Variants in FYN observed in about 807,000 individuals in gnomAD.
FYN encodes the protein tyrosine-protein kinase Fyn.
FYN carries 10 observed loss-of-function variants against 70.2 expected under a neutral mutation model. That is an observed-to-expected ratio of 0.14 (90% CI 0.09 to 0.24). The LOEUF is 0.24. Ranked by LOEUF, FYN falls within the 10% of genes least tolerant of loss-of-function variation. The probability of loss-of-function intolerance (pLI) is 1.00; values close to 1 mark genes in which losing one functional copy is unlikely to be tolerated. For missense variants in FYN, 319 were observed against 673.1 expected (o/e 0.47, Z 5.82); for synonymous variants, 236 against 248.6 (o/e 0.95, Z 0.48).
At chr6:111,843,688 T>G (rs1174363608) in intron 2 of FYN, among the ~76,000 whole-genome samples, 2 of 152,194 alleles carry the variant, frequency 1.3e-5, no homozygotes, top group Non-Finnish European at 2.9e-5. Context: ...TTTCCACTCA[T>G]TCATGCCTGC....
In FYN at chr6:111,742,074, G is replaced by T. The variant is rs534427122; in HGVS notation, c.-11-22012C>A. Among the ~76,000 whole-genome samples, 8 of 152,308 alleles carry T rather than the reference G, an allele frequency of 5.3e-5. No individual in the cohort carries two copies. The South Asian group carries it at 1.4e-3, about 28-fold the overall frequency. Reference sequence around the variant, plus strand: ...CCTTCCAGAAGTTCCAACTGAAAAAGAAGGGAAGCAAACAGGGATAAGTAA... The same window carrying T: ...CCTTCCAGAAGTTCCAACTGAAAAATAAGGGAAGCAAACAGGGATAAGTAA... On this transcript the variant is annotated intron_variant, in intron 3 of 13. Coordinates refer to ENST00000354650, the MANE Select transcript of FYN (RefSeq NM_002037.5).
chr6:111,754,056 G>A lies in FYN; in HGVS notation c.-12+26510C>T, dbSNP rs1802601221. On this transcript the variant is annotated intron_variant, in intron 3 of 13. Coordinates refer to ENST00000354650, the MANE Select transcript of FYN (RefSeq NM_002037.5). ...CCATTCTATCCATTCTAGTAAGACT[G>A]AACTTTGATTTTTTTAAATGCAATG... 1.3e-5 allele frequency among the ~76,000 whole-genome samples: 2 copies of A among 152,176 alleles called. 1 individual carries two copies. Among genetic ancestry groups the A allele is most frequent in the South Asian group, 4.1e-4 (2 of 4,830 alleles).
chr6:111,863,481 G>T (rs1288240743), intron 1 of FYN, among the ~76,000 whole-genome samples: 3 of 152,190 alleles, frequency 2.0e-5, no homozygotes, highest in African/African-American at 7.2e-5. Flanking sequence ...TTTAAATTGG[G>T]CAGGATTTCA....
chr6:111,714,216 T>C (rs1212070569), intron 5 of FYN, 131 bp downstream of exon 5: 1 of 638,270 alleles, frequency 1.6e-6, no homozygotes, highest in African/African-American at 1.8e-5. Flanking sequence ...TCAAAGTATA[T>C]TGTTGTAAAC....
intron 2 of FYN, among the ~76,000 whole-genome samples, chr6:111,794,228 G>C (rs915899711): frequency 6.6e-6 from 1 of 152,148 alleles, no homozygotes; most frequent in Admixed American, 6.5e-5. Flanking sequence ...TAGACTTTTC[G>C]GTGTCAACTC....
chr6:111,682,972 C>A (rs1434943054), intron 12 of FYN, among the ~76,000 whole-genome samples: 2 of 152,158 alleles, frequency 1.3e-5, no homozygotes, highest in Admixed American at 1.3e-4. Flanking sequence ...TCAGCAATGC[C>A]AAAGCTCTCC....
rs113171576 is a variant in FYN, at chr6:111,870,288, A to T, written c.-123+2680T>A. On this transcript the variant is annotated intron_variant, in intron 1 of 13. Coordinates refer to ENST00000354650, the MANE Select transcript of FYN (RefSeq NM_002037.5). ...CTGAAACAGGTTACGATGATAAGCT[A>T]TGGGATGGTGGAGCTACAAGATAGG... Among the ~76,000 whole-genome samples, 1,045 of 152,308 alleles carry T rather than the reference A, an allele frequency of 6.9e-3. 8 individuals are homozygous for T. Among genetic ancestry groups the T allele is most frequent in the African/African-American group, 0.024 (978 of 41,558 alleles).
intron 2 of FYN, among the ~76,000 whole-genome samples, chr6:111,834,022 G>A (rs1773103221): frequency 6.6e-6 from 1 of 152,164 alleles, no homozygotes; most frequent in African/African-American, 2.4e-5. Context: ...GCATCAGTAG[G>A]AATGAATCTT....
chr6:111,681,998 G>A (rs1420549890), intron 12 of FYN, among the ~76,000 whole-genome samples: 1 of 152,150 alleles, frequency 6.6e-6, no homozygotes, highest in East Asian at 1.9e-4. Context: ...TCTTTCATAA[G>A]TTATTTAAAA....
At chr6:111,839,917 TC>T (rs1477839820) in intron 2 of FYN, among the ~76,000 whole-genome samples, 1 of 151,968 alleles carries the variant, frequency 6.6e-6, no homozygotes, top group Non-Finnish European at 1.5e-5. Flanking sequence ...AGCCCCAGTT[TC>T]CCCCAAAGAC....
chr6:111,746,477 A>G (rs1356668726), intron 3 of FYN, among the ~76,000 whole-genome samples: 3 of 152,244 alleles, frequency 2.0e-5, no homozygotes, highest in Non-Finnish European at 2.9e-5. Flanking sequence ...ACATTTGTCC[A>G]TGATATTGTA....
intron 7 of FYN, among the ~76,000 whole-genome samples, chr6:111,703,683 C>A (rs1013442428): frequency 6.6e-6 from 1 of 152,024 alleles, no homozygotes; most frequent in Non-Finnish European, 1.5e-5. Flanking sequence ...ATGACTGGCA[C>A]CTGAGGAACT....
At chr6:111,774,497 C>T (rs1562515870) in intron 3 of FYN, among the ~76,000 whole-genome samples, 2 of 152,066 alleles carry the variant, frequency 1.3e-5, no homozygotes, top group Admixed American at 1.3e-4. Flanking sequence ...CCATCCCTGC[C>T]CCACTTTCTC....
intron 2 of FYN, among the ~76,000 whole-genome samples, chr6:111,812,393 G>T (rs145654324): frequency 6.6e-6 from 1 of 152,066 alleles, no homozygotes; most frequent in Non-Finnish European, 1.5e-5. Context: ...AGGGCTTAGC[G>T]CATATGCCTT....
chr6:111,854,484 G>T (rs1409827748), intron 1 of FYN, among the ~76,000 whole-genome samples: 1 of 152,192 alleles, frequency 6.6e-6, no homozygotes, highest in Non-Finnish European at 1.5e-5. Flanking sequence ...ACTGTGACCT[G>T]TGTTGCAGCC....
intron 12 of FYN, among the ~76,000 whole-genome samples, chr6:111,682,666 T>C (rs897496133): frequency 1.3e-5 from 2 of 152,196 alleles, no homozygotes; most frequent in African/African-American, 2.4e-5. Context: ...TGAGCTGGGA[T>C]TGAGTGGTCA....
intron 1 of FYN, among the ~76,000 whole-genome samples, chr6:111,855,246 T>C (rs895410647): frequency 1.3e-5 from 2 of 152,212 alleles, no homozygotes; most frequent in East Asian, 1.9e-4. Flanking sequence ...GAAGTTTATT[T>C]TGTCACAGGT....
chr6:111,694,717 C>G lies in FYN; in HGVS notation c.1043-13G>C. The G allele has an allele frequency of 6.3e-7, 1 of 1,594,246 alleles. No individual in the cohort carries two copies. The highest frequency in any genetic ancestry group is 8.6e-7 in the Non-Finnish European group (1 of 1,165,712). ...TCCAGTAAACTTCCTATGAACAAAA[C>G]ATAAAATCATTTCAATTTACTTTGA... On this transcript the variant is annotated splice_polypyrimidine_tract_variant and intron_variant, in intron 10 of 13. Transcript: ENST00000354650. The surrounding 1 kb of genome is among the most constrained non-coding windows in gnomAD (Gnocchi z 5.0).
chr6:111,846,752 A>G (rs1268751659), intron 1 of FYN, 123 bp from the exon 2 acceptor site: 2 of 397,042 alleles, frequency 5.0e-6, no homozygotes, highest in African/African-American at 4.1e-5. Context: ...TTTGCCCACA[A>G]ATTTTTTATC....
Sources: allele counts gnomAD v4.1 joint callset (sites outside exome capture counted in the v4.1 genomes callset), GRCh38; gene constraint gnomAD v4.1.1; non-coding constraint Gnocchi (gnomAD v3.1); transcripts MANE v1.5; gene names NCBI Gene and HGNC (gene_info 2026-07-23, HGNC 2026-07-21).